The following DNASE1 variants were observed in gnomAD, a reference collection of about 807,000 sequenced individuals.
DNASE1 encodes the protein deoxyribonuclease 1.
In DNASE1, 40 loss-of-function variants were observed where a neutral mutation model predicts 33.9. The ratio of observed to expected loss-of-function variants is 1.18; its 90% CI spans 0.92 to 1.54. The LOEUF (loss-of-function observed/expected upper bound fraction) is 1.54, where lower values mean the gene tolerates loss of function less well. DNASE1 is among the 40% of genes most tolerant of loss of function. DNASE1 has a pLI of 0.00. For missense variants in DNASE1, 518 were observed against 372.6 expected, an observed-to-expected ratio of 1.39 and a Z score of -3.21; for synonymous variants, 216 against 160.0, an observed-to-expected ratio of 1.35 and a Z score of -2.64.
intron 1 of DNASE1, among the ~76,000 whole-genome samples, chr16:3,625,170 G>A (rs566381379): frequency 3.3e-5 from 5 of 152,274 alleles, no homozygotes; most frequent in East Asian, 1.9e-4. Context: ...GCCAGGTGTG[G>A]TGGTGCATGC....
At chr16:3,638,644 T>A (rs1409244805), upstream of DNASE1, among the ~76,000 whole-genome samples, 1 of 152,190 alleles carries the variant, frequency 6.6e-6, no homozygotes, top group African/African-American at 2.4e-5. Context: ...GGCCTCTGTT[T>A]GGGTTTTATT....
chr16:3,657,697 T>C, intron 7 of DNASE1, 23 bp from the exon 8 acceptor site: 2 of 1,613,454 alleles, frequency 1.2e-6, no homozygotes, highest in South Asian at 1.1e-5. Flanking sequence ...GGGAACCTAC[T>C]TTCTCTTCCC....
chr16:3,662,181 A>T, downstream of DNASE1: 1 of 1,576,326 alleles, frequency 6.3e-7, no homozygotes. Flanking sequence ...CCAATGTGAG[A>T]GGGCTGGCAG....
chr16:3,626,299 CCA>C (rs1391118969), intron 1 of DNASE1, among the ~76,000 whole-genome samples: 2 of 151,736 alleles, frequency 1.3e-5, no homozygotes, highest in Non-Finnish European at 2.9e-5. Context: ...GCAAATTAAA[CCA>C]CAGTGAGTGA....
chr16:3,637,129 AAAAAG>A (rs930739628), intron 1 of DNASE1, among the ~76,000 whole-genome samples: 1 of 152,118 alleles, frequency 6.6e-6, no homozygotes, highest in African/African-American at 2.4e-5. Context: ...ATCTCAAAAA[AAAAAG>A]AAAAGAAAAG....
chr16:3,651,905 G>C (rs2151206450), upstream of DNASE1: 1 of 152,508 alleles, frequency 6.6e-6, no homozygotes, highest in South Asian at 2.1e-4. Context: ...TGCAGGGGCA[G>C]GATGGCTTCT....
downstream of DNASE1, chr16:3,660,305 T>G (rs1039738151): frequency 2.0e-5 from 3 of 152,246 alleles, no homozygotes; most frequent in Non-Finnish European, 2.9e-5. Flanking sequence ...TTTTGAATTC[T>G]GAACTATGTG....
upstream of DNASE1, among the ~76,000 whole-genome samples, chr16:3,639,429 C>T (rs1263686533): frequency 1.3e-5 from 2 of 152,198 alleles, no homozygotes; most frequent in African/African-American, 4.8e-5. Flanking sequence ...TCCAGCACTC[C>T]TCAAGCAGCC....
At chr16:3,664,757 G>A (rs557579203) in exon 10 of DNASE1, 11 of 360,146 alleles carry the variant, frequency 3.1e-5, no homozygotes, top group Non-Finnish European at 4.6e-5. Flanking sequence ...AGCAGAGCCC[G>A]GCCTGGACCC....
At position 3,656,091 on chromosome 16, in the gene DNASE1, C is replaced by T. The variant is rs151326949; in HGVS notation, c.237-11C>T. On this transcript the variant is annotated splice_polypyrimidine_tract_variant and intron_variant, in intron 3 of 8. Coordinates refer to ENST00000246949, the MANE Select transcript of DNASE1 (RefSeq NM_005223.4). ...CCCCCGCCACTGGGACCTTTTGTTT[C>T]TTCAATCCAGGGATGCACCAGACAC... 1.4e-5 allele frequency: 22 copies of T among 1,614,074 alleles called. No homozygotes were observed. The highest frequency in any genetic ancestry group is 1.3e-4 in the East Asian group (6 of 44,878).
intron 1 of DNASE1, among the ~76,000 whole-genome samples, chr16:3,635,975 T>C (rs1260602875): frequency 6.6e-6 from 1 of 152,232 alleles, no homozygotes; most frequent in Non-Finnish European, 1.5e-5. Context: ...TTGGCATCTG[T>C]CATCAGTTTT....
exon 10 of DNASE1, chr16:3,664,658 GGGCTT>G: frequency 1.7e-6 from 1 of 586,920 alleles, no homozygotes; most frequent in Non-Finnish European, 2.9e-6. Flanking sequence ...GGAGCTCTGG[GGGCTT>G]AGGAAGCACC....
upstream of DNASE1, chr16:3,653,830 A>AAC (rs1567205870): frequency 1.4e-5 from 2 of 146,300 alleles, no homozygotes; most frequent in African/African-American, 5.2e-5. Flanking sequence ...AAAAAAAAAA[A>AAC]AAAAAAAAAA....
chr16:3,655,118 C>G (rs1442059529), intron 1 of DNASE1, 74 bp downstream of exon 1: 1 of 601,046 alleles, frequency 1.7e-6, no homozygotes, highest in Non-Finnish European at 2.9e-6. Context: ...GTCTCATCCT[C>G]CAGCAGCGAG....
chr16:3,622,809 A>C (rs564772217), intron 1 of DNASE1, among the ~76,000 whole-genome samples: 1 of 152,252 alleles, frequency 6.6e-6, no homozygotes, highest in East Asian at 1.9e-4. Flanking sequence ...TTTTGTAGTA[A>C]AATAACTTTT....
At chr16:3,635,956 G>C (rs2041855699) in intron 1 of DNASE1, among the ~76,000 whole-genome samples, 1 of 152,118 alleles carries the variant, frequency 6.6e-6, no homozygotes, top group East Asian at 1.9e-4. Context: ...GAGCTCCCCA[G>C]AACTGTGTTT....
At chr16:3,658,694 AAGAC>A (rs1304238314), downstream of DNASE1, 6 of 1,036,058 alleles carry the variant, frequency 5.8e-6, no homozygotes, top group Non-Finnish European at 8.2e-6. Flanking sequence ...AACAAACAAA[AAGAC>A]AGGATTTTAG....
upstream of DNASE1, among the ~76,000 whole-genome samples, chr16:3,639,137 C>T (rs1307901985): frequency 6.6e-6 from 1 of 152,152 alleles, no homozygotes; most frequent in Non-Finnish European, 1.5e-5. Context: ...TAGCAGTTAT[C>T]AGTTTATTGC....
intron 1 of DNASE1, among the ~76,000 whole-genome samples, chr16:3,630,877 G>C (rs2041675236): frequency 6.6e-6 from 1 of 151,970 alleles, no homozygotes; most frequent in African/African-American, 2.4e-5. Context: ...GTTTCTTATA[G>C]ATGGCATATA....
Sources: allele counts gnomAD v4.1 joint callset (sites outside exome capture counted in the v4.1 genomes callset), GRCh38; gene constraint gnomAD v4.1.1; transcripts MANE v1.5; gene names NCBI Gene and HGNC (gene_info 2026-07-23, HGNC 2026-07-21).